The following ANXA8 variants were observed in gnomAD, a reference collection of about 807,000 sequenced individuals.
The protein encoded by ANXA8 is VAC-beta.
A neutral mutation model predicts 26.8 loss-of-function variants in ANXA8; 9 were observed. The ratio of observed to expected loss-of-function variants is 0.34; its 90% CI spans 0.20 to 0.59. The LOEUF (loss-of-function observed/expected upper bound fraction) is 0.59. Ranked by LOEUF, ANXA8 falls within the 20% of genes least tolerant of loss-of-function variation. The probability of loss-of-function intolerance (pLI) is 0.84; values close to 1 mark genes in which losing one functional copy is unlikely to be tolerated. For synonymous variants in ANXA8, 39 were observed against 94.8 expected, an observed-to-expected ratio of 0.41 and a Z score of 3.42; for missense variants, 83 against 238.5, an observed-to-expected ratio of 0.35 and a Z score of 4.29.
chr10:47,485,285 G>A (rs1361887631), upstream of ANXA8, among the ~76,000 whole-genome samples: 2 of 151,948 alleles, frequency 1.3e-5, no homozygotes, highest in Non-Finnish European at 2.9e-5. Flanking sequence ...GCACCTGTGT[G>A]TGCCTGTGCA....
At chr10:47,616,362 T>C in the ANXA8 span, among the ~76,000 whole-genome samples, 6 of 63,560 alleles carry the variant, frequency 9.4e-5, 2 homozygotes, top group African/African-American at 2.8e-4. Flanking sequence ...CCTGTGTAAT[T>C]TGTTCTCCTG....
At chr10:47,968,680 T>C in the ANXA8 span, among the ~76,000 whole-genome samples, 4 of 150,142 alleles carry the variant, frequency 2.7e-5, no homozygotes, top group African/African-American at 9.7e-5. Flanking sequence ...AACTTCACAG[T>C]TGTGGTCATT....
chr10:47,977,724 G>GA, the ANXA8 span, among the ~76,000 whole-genome samples: 2 of 151,434 alleles, frequency 1.3e-5, no homozygotes, highest in African/African-American at 4.8e-5. Context: ...TGAGCAGGCA[G>GA]AAAAAAGATT....
At chr10:47,502,926 T>A in the ANXA8 span, 1 of 1,602,784 alleles carries the variant, frequency 6.2e-7, no homozygotes, top group Non-Finnish European at 8.5e-7. Flanking sequence ...TCTTTAGGTG[T>A]TTCTTTTTAT....
chr10:47,536,717 G>T, the ANXA8 span, among the ~76,000 whole-genome samples: 2 of 125,070 alleles, frequency 1.6e-5, 1 homozygote, highest in Non-Finnish European at 3.2e-5. Flanking sequence ...AGCTACACAG[G>T]ACGCTGAGAG....
At chr10:47,671,714 G>T in the ANXA8 span, among the ~76,000 whole-genome samples, 1 of 151,838 alleles carries the variant, frequency 6.6e-6, no homozygotes, top group Non-Finnish European at 1.5e-5. Flanking sequence ...GTTGGCAAAT[G>T]ATGAAGCTGA....
At chr10:47,499,122 T>A in the ANXA8 span, among the ~76,000 whole-genome samples, 42 of 135,816 alleles carry the variant, frequency 3.1e-4, 5 homozygotes, top group Non-Finnish European at 6.3e-4. Flanking sequence ...AAATAAAAAA[T>A]AATTTTTTTA....
chr10:47,673,294 C>G, the ANXA8 span, among the ~76,000 whole-genome samples: 45 of 151,458 alleles, frequency 3.0e-4, no homozygotes, highest in Non-Finnish European at 6.0e-4. Flanking sequence ...GGGCAACCAC[C>G]CTTAGAAGGC....
At chr10:47,682,434 G>A in the ANXA8 span, among the ~76,000 whole-genome samples, 5 of 143,940 alleles carry the variant, frequency 3.5e-5, no homozygotes, top group South Asian at 2.2e-4. Flanking sequence ...AAATCAGAAG[G>A]CATGTTCACC....
At chr10:47,571,107 G>T in the ANXA8 span, among the ~76,000 whole-genome samples, 1 of 131,892 alleles carries the variant, frequency 7.6e-6, no homozygotes, top group African/African-American at 2.9e-5. Flanking sequence ...TTTTCAAAAG[G>T]TCTTTCCTCC....
the ANXA8 span, among the ~76,000 whole-genome samples, chr10:47,626,189 G>A: frequency 6.7e-6 from 1 of 149,962 alleles, no homozygotes; most frequent in African/African-American, 2.5e-5. Flanking sequence ...CTAAGAAATA[G>A]GTTTGGAATA....
At chr10:47,658,851 T>A in the ANXA8 span, among the ~76,000 whole-genome samples, 18 of 90,428 alleles carry the variant, frequency 2.0e-4, no homozygotes, top group Non-Finnish European at 2.7e-4. Flanking sequence ...TTATTTATTA[T>A]TTATTTATTT....
At chr10:47,647,535 A>T in the ANXA8 span, among the ~76,000 whole-genome samples, 1 of 149,690 alleles carries the variant, frequency 6.7e-6, no homozygotes, top group Non-Finnish European at 1.5e-5. Flanking sequence ...ATATAGATAG[A>T]CCTGTATGAC....
At chr10:47,469,853 C>T (rs1490400946) in intron 11 of ANXA8, among the ~76,000 whole-genome samples, 2 of 151,156 alleles carry the variant, frequency 1.3e-5, no homozygotes, top group Non-Finnish European at 2.9e-5. Flanking sequence ...AATCTCATTA[C>T]GGGTTTCAAA....
the ANXA8 span, among the ~76,000 whole-genome samples, chr10:47,559,600 C>T: frequency 1.8e-4 from 28 of 151,854 alleles, 1 homozygote; most frequent in East Asian, 7.7e-4. Flanking sequence ...CAAGTATTGC[C>T]GCAGAGTATT....
At chr10:47,767,645 C>G in the ANXA8 span, among the ~76,000 whole-genome samples, 1 of 151,380 alleles carries the variant, frequency 6.6e-6, no homozygotes, top group African/African-American at 2.4e-5. Flanking sequence ...CCAGGCCTGG[C>G]TGCTCAGCCT....
At chr10:47,672,088 C>T in the ANXA8 span, among the ~76,000 whole-genome samples, 6 of 150,842 alleles carry the variant, frequency 4.0e-5, no homozygotes, top group Non-Finnish European at 7.4e-5. Flanking sequence ...ATCATCAAAA[C>T]GTTGTTCTTG....
chr10:47,625,778 G>A, the ANXA8 span, among the ~76,000 whole-genome samples: 3 of 150,302 alleles, frequency 2.0e-5, no homozygotes, highest in Non-Finnish European at 2.9e-5. Flanking sequence ...TAAATGTATT[G>A]TTATTCGCCG....
chr10:47,503,079 T>C, the ANXA8 span: 34 of 1,611,526 alleles, frequency 2.1e-5, no homozygotes, highest in Admixed American at 2.2e-4. Flanking sequence ...GTGCACAGGC[T>C]GATGTGGCTA....
Sources: allele counts gnomAD v4.1 joint callset (sites outside exome capture counted in the v4.1 genomes callset), GRCh38; gene constraint gnomAD v4.1.1; transcripts MANE v1.5; gene names NCBI Gene and HGNC (gene_info 2026-07-23, HGNC 2026-07-21).